The following RLBP1 variants were observed in gnomAD, a reference collection of about 807,000 sequenced individuals.
RLBP1 encodes the protein retinaldehyde-binding protein 1.
In RLBP1, 26 loss-of-function variants were observed where a neutral mutation model predicts 36.2. That is an observed-to-expected ratio of 0.72 (90% CI 0.53 to 1.00). RLBP1 has a LOEUF of 1.00. Ranked by LOEUF, RLBP1 falls within the 50% of genes least tolerant of loss-of-function variation. RLBP1 has a pLI of 0.00. For synonymous variants in RLBP1, 155 were observed against 156.2 expected (o/e 0.99, Z 0.06); for missense variants, 410 against 402.4 (o/e 1.02, Z -0.16).
chr15:89,219,347 G>A (rs2051608584), intron 2 of RLBP1, among the ~76,000 whole-genome samples: 2 of 152,272 alleles, frequency 1.3e-5, no homozygotes, highest in Non-Finnish European at 1.5e-5. Flanking sequence ...GTCCTTAGAT[G>A]TTAAAACAAG....
Position 89,218,046 on chromosome 15 carries a change from A to G in RLBP1, c.141+519T>C, listed in dbSNP as rs1348743555. 6.6e-6 allele frequency among the ~76,000 whole-genome samples: 1 copy of G among 152,186 alleles called. No homozygotes were observed. Among genetic ancestry groups the G allele is most frequent in the Non-Finnish European group, 1.5e-5 (1 of 68,022 alleles). On this transcript the variant is annotated intron_variant, in intron 4 of 8. Transcript: ENST00000268125. This position sits in a 1 kb window ranked among gnomAD's most constrained non-coding sequence, Gnocchi z 4.6. ...CTGGGTGCCCAGGCTCAGCTCAGCC[A>G]CTTCTCATCCTCCCCAGCAGCCCTA...
intron 5 of RLBP1, among the ~76,000 whole-genome samples, chr15:89,216,003 A>G (rs1243985415): frequency 6.6e-6 from 1 of 152,078 alleles, no homozygotes; most frequent in Non-Finnish European, 1.5e-5. Flanking sequence ...GCCCCTCAAG[A>G]CTTTATATCC....
In RLBP1 at chr15:89,211,655, G is replaced by C. The variant is rs1047675164; in HGVS notation, c.684+88C>G. The C allele has an allele frequency of 1.8e-5, 26 of 1,436,126 alleles. No individual in the cohort carries two copies. The South Asian group carries it at 3.0e-4, about 17-fold the overall frequency. The allele number at this position is 1,436,126 out of a possible 1,614,324, so 89.0% of individuals were successfully genotyped here. A position where few individuals can be genotyped will look rare whatever the true frequency, so the allele number is the denominator to read the frequency against. Reference sequence around the variant, plus strand: ...TGGCGCGAGGTGGTCCAACTTCTCAGTTCCCTGCAAGCACCATGAAAGGAG... The same window carrying C: ...TGGCGCGAGGTGGTCCAACTTCTCACTTCCCTGCAAGCACCATGAAAGGAG... On this transcript the variant is annotated intron_variant, in intron 7 of 8. Transcript: ENST00000268125. This position sits in a 1 kb window ranked among gnomAD's most constrained non-coding sequence, Gnocchi z 5.8.
At chr15:89,215,280 C>A in intron 5 of RLBP1, 42 bp from the exon 6 acceptor site, 1 of 1,600,036 alleles carries the variant, frequency 6.2e-7, no homozygotes, top group South Asian at 1.1e-5. Context: ...GGGAGCCATC[C>A]CATCCCTACC....
At chr15:89,213,614 A>G (rs1567122555) in intron 6 of RLBP1, among the ~76,000 whole-genome samples, 1 of 152,220 alleles carries the variant, frequency 6.6e-6, no homozygotes, top group Admixed American at 6.5e-5. Flanking sequence ...ATTTTTCAGA[A>G]GCAGAGTCTC....
chr15:89,217,194 T>C lies in RLBP1; in HGVS notation c.272A>G (p.Lys91Arg). The C allele has an allele frequency of 6.2e-7, 1 of 1,613,916 alleles. No homozygotes were observed. Among genetic ancestry groups the C allele is most frequent in the Non-Finnish European group, 8.5e-7 (1 of 1,180,014 alleles). ...GAAGCGCAGGAAGAAGCCGCTGTCC[T>C]TCTCTTGCACCCTCTCCGCCACGGC... ...AVAVAERVQE[K>R]DSGFFLRFIR... is the part of the protein sequence containing the mutation. The change falls in exon 5 of 9, where the codon AAG (lysine) becomes AGG (arginine). Residue 91 changes from lysine (K) to arginine (R), a missense_variant. Physicochemically the swap from Lys to Arg is conservative, Grantham distance 26 (BLOSUM62 2). Coordinates refer to ENST00000268125, the MANE Select transcript of RLBP1 (RefSeq NM_000326.5).
intron 5 of RLBP1, 78 bp downstream of exon 5, chr15:89,217,042 C>G: frequency 6.8e-7 from 1 of 1,461,984 alleles, no homozygotes; most frequent in Non-Finnish European, 9.5e-7. Flanking sequence ...CAGGCCTGTT[C>G]AGTGCCAGGA....
In RLBP1 at chr15:89,211,962, T is replaced by C; in HGVS notation, c.526-61A>G. On this transcript the variant is annotated intron_variant, in intron 6 of 8. Transcript: ENST00000268125. This position sits in a 1 kb window ranked among gnomAD's most constrained non-coding sequence, Gnocchi z 5.8. Reference sequence around the variant, plus strand: ...CCGCAACAATAATTAAGGCTTGAGGTCCTGAGGGGAGAGCTAATTGGTACA... The same window carrying C: ...CCGCAACAATAATTAAGGCTTGAGGCCCTGAGGGGAGAGCTAATTGGTACA... 6.4e-7 allele frequency: 1 copy of C among 1,571,356 alleles called. No individual in the cohort carries two copies. Among genetic ancestry groups the C allele is most frequent in the Non-Finnish European group, 8.7e-7 (1 of 1,144,826 alleles).
Position 89,218,977 on chromosome 15 carries a change from T to C in RLBP1, c.-2A>G. On this transcript the variant is annotated 5_prime_UTR_variant, in exon 3 of 9. Coordinates refer to ENST00000268125, the MANE Select transcript of RLBP1 (RefSeq NM_000326.5). The surrounding 1 kb of genome is among the most constrained non-coding windows in gnomAD (Gnocchi z 4.6). ...CAGGGTACTTACCCCTTCTGACATG[T>C]TGCCTATGGAAGACACAGAGTCCTT... 2 of 1,614,164 alleles carry C rather than the reference T, an allele frequency of 1.2e-6. No homozygotes were observed. The highest frequency in any genetic ancestry group is 1.7e-6 in the Non-Finnish European group (2 of 1,180,016).
intron 6 of RLBP1, among the ~76,000 whole-genome samples, chr15:89,212,691 G>A (rs893354633): frequency 3.3e-5 from 5 of 151,588 alleles, no homozygotes; most frequent in African/African-American, 1.2e-4. Flanking sequence ...CAATAGTAGA[G>A]CTCTCTAGGT....
At chr15:89,217,387 G>C in intron 4 of RLBP1, 63 bp from the exon 5 acceptor site, 1 of 1,521,354 alleles carries the variant, frequency 6.6e-7, no homozygotes, top group Non-Finnish European at 9.0e-7. Flanking sequence ...AGGACACACA[G>C]GTGATGAGTC....
rs919340184 is a variant in RLBP1 at position 89,210,587 on chromosome 15, G to T, written c.795+112C>A. 2 of 1,222,462 alleles carry T rather than the reference G, an allele frequency of 1.6e-6. No homozygotes were observed. The highest frequency in any genetic ancestry group is 2.0e-5 in the Admixed American group (1 of 50,942). The allele number at this position is 1,222,462 out of a possible 1,614,324, so 75.7% of individuals were successfully genotyped here. The stretch of plus-strand genomic sequence containing the variant: ...CCTCTCTCCGCAGGTCTCCATGTTG[G>T]GTGTCAGTGGGATCCACATAGCTCA... On this transcript the variant is annotated intron_variant, in intron 8 of 8. Transcript: ENST00000268125. The surrounding 1 kb of genome is among the most constrained non-coding windows in gnomAD (Gnocchi z 4.7).
rs187243629 is a variant in RLBP1 at position 89,214,202 on chromosome 15, T to A, written c.525+858A>T. On this transcript the variant is annotated intron_variant, in intron 6 of 8. Coordinates refer to ENST00000268125, the MANE Select transcript of RLBP1 (RefSeq NM_000326.5). The surrounding 1 kb of genome is among the most constrained non-coding windows in gnomAD (Gnocchi z 4.6). The stretch of plus-strand genomic sequence containing the variant: ...TGGGCCAGGTGCGGTGTCTTATGCC[T>A]GTAATCCCAGCACTTTGGGAGGCCG... Among the ~76,000 whole-genome samples, 58 of 152,312 alleles carry A rather than the reference T, an allele frequency of 3.8e-4. No homozygotes were observed. The highest frequency in any genetic ancestry group is 1.4e-3 in the African/African-American group (57 of 41,560).
chr15:89,219,079 C>T lies in RLBP1; in HGVS notation c.-100-4G>A. 1 of 1,363,290 alleles carries T rather than the reference C, an allele frequency of 7.3e-7. No homozygotes were observed. Among genetic ancestry groups the T allele is most frequent in the Non-Finnish European group, 1.0e-6 (1 of 955,636 alleles). 84.4% of individuals were successfully genotyped at this position (1,363,290 alleles called of 1,614,324 possible). On this transcript the variant is annotated splice_region_variant and splice_polypyrimidine_tract_variant and intron_variant, in intron 2 of 8. Transcript: ENST00000268125. Reference sequence around the variant, plus strand: ...TCCCTAGGATAGGAAGTCAGGGCTGCAGGGGTTAGAAAAACCATTCTGTTA... The same window carrying T: ...TCCCTAGGATAGGAAGTCAGGGCTGTAGGGGTTAGAAAAACCATTCTGTTA...
Position 89,218,424 on chromosome 15 carries a change from C to A in RLBP1, c.141+141G>T. 1 of 1,304,648 alleles carries A rather than the reference C, an allele frequency of 7.7e-7. No homozygotes were observed. Among genetic ancestry groups the A allele is most frequent in the South Asian group, 1.3e-5 (1 of 79,550 alleles). The allele number at this position is 1,304,648 out of a possible 1,614,324, so 80.8% of individuals were successfully genotyped here. ...CCATAGCCGTGACCACCAGGAAGGA[C>A]CTTAGAACCGGCCAGTCTATCAGGT... is the stretch of plus-strand genomic sequence containing the variant. On this transcript the variant is annotated intron_variant, in intron 4 of 8. Coordinates refer to ENST00000268125, the MANE Select transcript of RLBP1 (RefSeq NM_000326.5). The surrounding 1 kb of genome is among the most constrained non-coding windows in gnomAD (Gnocchi z 4.6).
chr15:89,217,426 G>A, intron 4 of RLBP1, 102 bp from the exon 5 acceptor site: 1 of 1,216,484 alleles, frequency 8.2e-7, no homozygotes, highest in Admixed American at 1.7e-5. Flanking sequence ...AGCCAAGGGG[G>A]CCCAGGGGTC....
chr15:89,214,916 A>G lies in RLBP1; in HGVS notation c.525+144T>C. 1 of 804,858 alleles carries G rather than the reference A, an allele frequency of 1.2e-6. No individual in the cohort carries two copies. The highest frequency in any genetic ancestry group is 2.1e-6 in the Non-Finnish European group (1 of 487,474). 49.9% of individuals were successfully genotyped at this position (804,858 alleles called of 1,614,324 possible). ...CTAGGAATTCTCTCCCTGCCTGGAAAGGGCTAGGTGGCAGGTGGCTGCCCA... is the reference window on the plus strand; with the variant it reads ...CTAGGAATTCTCTCCCTGCCTGGAAGGGGCTAGGTGGCAGGTGGCTGCCCA... On this transcript the variant is annotated intron_variant, in intron 6 of 8. Transcript: ENST00000268125. The surrounding 1 kb of genome is among the most constrained non-coding windows in gnomAD (Gnocchi z 4.6).
chr15:89,217,766 C>T (rs2070780), intron 4 of RLBP1, among the ~76,000 whole-genome samples: 65,742 of 151,898 alleles, frequency 0.43, 14,398 homozygotes, highest in South Asian at 0.47. Context: ...ACTCCTCTTT[C>T]CATCATTTCA....
At position 89,214,259 on chromosome 15, in the gene RLBP1, G is replaced by C. The variant is rs2051560700; in HGVS notation, c.525+801C>G. 6.6e-6 allele frequency among the ~76,000 whole-genome samples: 1 copy of C among 152,086 alleles called. No individual in the cohort carries two copies. The highest frequency in any genetic ancestry group is 2.1e-4 in the South Asian group (1 of 4,834). On this transcript the variant is annotated intron_variant, in intron 6 of 8. Transcript: ENST00000268125. This position sits in a 1 kb window ranked among gnomAD's most constrained non-coding sequence, Gnocchi z 4.6. The stretch of plus-strand genomic sequence containing the variant: ...GCGGATCACTTGAGCTCAGGAGTTT[G>C]AGACCAGCCTGGCCAACATGGTGAA...
Sources: gnomAD v4.1 joint callset for allele counts (sites outside exome capture counted in the v4.1 genomes callset) on GRCh38, gnomAD v4.1.1 for gene constraint, Gnocchi (gnomAD v3.1) non-coding constraint, MANE v1.5 for transcripts, NCBI Gene and HGNC (gene_info 2026-07-23, HGNC 2026-07-21) for gene names.